Variants in SS18 observed in about 807,000 individuals in gnomAD.
The protein encoded by SS18 is SS18 subunit of BAF chromatin remodeling complex.
A neutral mutation model predicts 72.5 loss-of-function variants in SS18; 28 were observed. That is an observed-to-expected ratio of 0.39 (90% CI 0.29 to 0.53). The LOEUF is 0.53. Ranked by LOEUF, SS18 falls within the 20% of genes least tolerant of loss-of-function variation. SS18 has a pLI of 0.76. For synonymous variants in SS18, 172 were observed against 164.2 expected (o/e 1.05, Z -0.37); for missense variants, 518 against 535.3 (o/e 0.97, Z 0.32).
intron 5 of SS18, among the ~76,000 whole-genome samples, chr18:26,051,414 ATCT>A (rs2053921636): frequency 1.3e-5 from 2 of 152,184 alleles, no homozygotes; most frequent in African/African-American, 2.4e-5. Flanking sequence ...TTTTCTTCGA[ATCT>A]TATTATGTCA....
chr18:26,032,705 A>G (rs1227498681), intron 9 of SS18, among the ~76,000 whole-genome samples, 173 bp from the exon 10 acceptor site: 3 of 152,236 alleles, frequency 2.0e-5, no homozygotes, highest in Admixed American at 6.5e-5. Context: ...TGGTAATAAT[A>G]AGAGTAAAAA....
chr18:26,033,076 C>G (rs1400106441), intron 9 of SS18, among the ~76,000 whole-genome samples: 1 of 152,116 alleles, frequency 6.6e-6, no homozygotes, highest in African/African-American at 2.4e-5. Context: ...CATGAAAACC[C>G]ACAGGTTACA....
Position 26,035,979 on chromosome 18 carries a change from C to G in SS18, c.881-56G>C, listed in dbSNP as rs2053620347. ...ACGTTAATGGCCACTGAGTGAAAAC[C>G]CTAAAAATATTTAAACTTTCAGATA... On this transcript the variant is annotated intron_variant, in intron 7 of 10. Transcript: ENST00000415083. This position sits in a 1 kb window ranked among gnomAD's most constrained non-coding sequence, Gnocchi z 4.4. 1 of 1,042,904 alleles carries G rather than the reference C, an allele frequency of 9.6e-7. No homozygotes were observed. The highest frequency in any genetic ancestry group is 1.4e-6 in the Non-Finnish European group (1 of 712,494). 64.6% of individuals were successfully genotyped at this position (1,042,904 alleles called of 1,614,324 possible). A position where few individuals can be genotyped will look rare whatever the true frequency, so the allele number is the denominator to read the frequency against.
At chr18:26,071,972 A>C (rs142641016) in intron 3 of SS18, among the ~76,000 whole-genome samples, 2,742 of 152,292 alleles carry the variant, frequency 0.018, 40 homozygotes, top group Non-Finnish European at 0.027. Flanking sequence ...GTGAAAAAAA[A>C]AGTGATCTAA....
chr18:26,067,148 A>C (rs993308957), intron 3 of SS18, among the ~76,000 whole-genome samples: 3 of 152,226 alleles, frequency 2.0e-5, no homozygotes, highest in Non-Finnish European at 4.4e-5. Context: ...AAAACTCACA[A>C]AAATAAACAC....
intron 5 of SS18, among the ~76,000 whole-genome samples, chr18:26,042,355 G>T (rs552565180): frequency 6.6e-6 from 1 of 152,032 alleles, no homozygotes; most frequent in East Asian, 1.9e-4. Flanking sequence ...ATGTTAAGAC[G>T]CACTACAAAG....
chr18:26,061,180 G>C (rs1298356621), intron 3 of SS18, among the ~76,000 whole-genome samples: 1 of 152,124 alleles, frequency 6.6e-6, no homozygotes, highest in Admixed American at 6.5e-5. Context: ...AGACATGGTG[G>C]CGTGCACCTG....
At chr18:26,025,593 T>C (rs1369812544) in intron 10 of SS18, among the ~76,000 whole-genome samples, 3 of 151,906 alleles carry the variant, frequency 2.0e-5, no homozygotes, top group African/African-American at 4.8e-5. Context: ...ACAACACAGA[T>C]AAAATGGACA....
rs773277388 is a variant in SS18, at chr18:26,018,336, T to C, written c.*18A>G. On this transcript the variant is annotated 3_prime_UTR_variant, in exon 11 of 11. Coordinates refer to ENST00000415083, the MANE Select transcript of SS18 (RefSeq NM_001007559.3). ...ATGGCTGCTAATAGATACTGGCTACTGGAATGTAAGTACTTTTTCACTGCT... is the reference window on the plus strand; with the variant it reads ...ATGGCTGCTAATAGATACTGGCTACCGGAATGTAAGTACTTTTTCACTGCT... 5 of 1,598,396 alleles carry C rather than the reference T, an allele frequency of 3.1e-6. No individual in the cohort carries two copies. Among genetic ancestry groups the C allele is most frequent in the Non-Finnish European group, 4.3e-6 (5 of 1,166,430 alleles).
chr18:26,060,287 G>C (rs990953853), intron 3 of SS18, among the ~76,000 whole-genome samples: 1 of 152,104 alleles, frequency 6.6e-6, no homozygotes, highest in Non-Finnish European at 1.5e-5. Flanking sequence ...AAAGAAGATG[G>C]ACACAAAAGG....
intron 5 of SS18, among the ~76,000 whole-genome samples, chr18:26,047,696 A>G (rs2053852895): frequency 6.6e-6 from 1 of 152,162 alleles, no homozygotes; most frequent in Non-Finnish European, 1.5e-5. Context: ...AAAAAAAATT[A>G]GCCGGGCATG....
chr18:26,078,300 A>G (rs2054453590), intron 2 of SS18, 140 bp from the exon 3 acceptor site: 9 of 538,156 alleles, frequency 1.7e-5, no homozygotes, highest in Non-Finnish European at 2.6e-5. Flanking sequence ...TTTTTCCTAC[A>G]CTGCAAAAGT....
intron 4 of SS18, among the ~76,000 whole-genome samples, chr18:26,055,106 T>G (rs898257183): frequency 1.3e-5 from 2 of 152,120 alleles, no homozygotes; most frequent in Non-Finnish European, 2.9e-5. Context: ...AGGTGGCGGC[T>G]AGGCATCCTT....
At chr18:26,044,619 T>C (rs1598557331) in intron 5 of SS18, among the ~76,000 whole-genome samples, 2 of 152,106 alleles carry the variant, frequency 1.3e-5, no homozygotes, top group Admixed American at 1.3e-4. Flanking sequence ...CCACCACACC[T>C]GGCCAAGATT....
Position 26,072,796 on chromosome 18 carries a change from CAAAAAAAAAAAA to C in SS18, c.231+5268_231+5279del, listed in dbSNP as rs71169810. Among the ~76,000 whole-genome samples the C allele has an allele frequency of 2.5e-3, 81 of 32,742 alleles. 1 individual carries two copies. Among genetic ancestry groups the C allele is most frequent in the African/African-American group, 5.5e-3 (80 of 14,566 alleles). The allele number at this position is 32,742 out of a possible 152,430, so 21.5% of individuals were successfully genotyped here. On this transcript the variant is annotated intron_variant, in intron 3 of 10. Transcript: ENST00000415083. ...TGGGCAACAGAGCGAGACTCCGTCT[CAAAAAAAAAAAA>C]AAAAAAAAAAAAAACCTTAAAAGAG... is the stretch of plus-strand genomic sequence containing the variant.
At chr18:26,034,945 A>G in intron 9 of SS18, 60 bp downstream of exon 9, 1 of 1,564,204 alleles carries the variant, frequency 6.4e-7, no homozygotes, top group South Asian at 1.2e-5. Flanking sequence ...ATCCACTTCC[A>G]TATTTTAAAA....
chr18:26,019,789 CAAAAAAAAAAAA>C (rs869179852), intron 10 of SS18, among the ~76,000 whole-genome samples: 69 of 62,572 alleles, frequency 1.1e-3, no homozygotes, highest in South Asian at 6.9e-3. Flanking sequence ...AACTCTGTCT[CAAAAAAAAAAAA>C]AAAAAAAAAA....
intron 3 of SS18, among the ~76,000 whole-genome samples, chr18:26,065,799 C>CAATATATATATATATATATA (rs2054202000): frequency 7.7e-5 from 1 of 13,064 alleles, no homozygotes; most frequent in African/African-American, 2.4e-4. Flanking sequence ...GCCTACAAAT[C>CAATATATATATATATATATA]CATATATATA....
At chr18:26,046,344 A>G (rs2143937313) in intron 5 of SS18, among the ~76,000 whole-genome samples, 1 of 149,970 alleles carries the variant, frequency 6.7e-6, no homozygotes, top group African/African-American at 2.5e-5. Context: ...ATTTAGAGTA[A>G]GTCTCTTTTC....
Sources: allele counts gnomAD v4.1 joint callset (sites outside exome capture counted in the v4.1 genomes callset), GRCh38; gene constraint gnomAD v4.1.1; non-coding constraint Gnocchi (gnomAD v3.1); transcripts MANE v1.5; gene names NCBI Gene and HGNC (gene_info 2026-07-23, HGNC 2026-07-21).